The following CRIM1 variants were observed in gnomAD, a reference collection of about 807,000 sequenced individuals.
CRIM1 encodes cysteine rich transmembrane BMP regulator 1.
A neutral mutation model predicts 116.4 loss-of-function variants in CRIM1; 32 were observed. The observed-to-expected ratio is 0.27, with a 90% CI of 0.21 to 0.37. CRIM1 has a LOEUF of 0.37. CRIM1 is among the 10% of genes least tolerant of loss of function. The pLI is 1.00. For synonymous variants in CRIM1, 590 were observed against 509.2 expected (o/e 1.16, Z -2.13); for missense variants, 1,331 against 1,354.8 (o/e 0.98, Z 0.28).
In CRIM1 at chr2:36,509,616, C is replaced by G. The variant is rs541210692; in HGVS notation, c.1502-367C>G. On this transcript the variant is annotated intron_variant, in intron 8 of 16. Coordinates refer to ENST00000280527, the MANE Select transcript of CRIM1 (RefSeq NM_016441.3). ...AAATTGGACTGTAAATTTCTAATTC[C>G]CACATAATGTAAATGGTCATCAGTG... Among the ~76,000 whole-genome samples the G allele has an allele frequency of 7.2e-5, 11 of 152,098 alleles. No homozygotes were observed. The South Asian group carries it at 2.3e-3, about 32-fold the overall frequency.
intron 12 of CRIM1, among the ~76,000 whole-genome samples, chr2:36,520,332 G>A (rs746672665): frequency 1.3e-5 from 2 of 152,204 alleles, no homozygotes; most frequent in Non-Finnish European, 2.9e-5. Flanking sequence ...GCTTGCATGA[G>A]CTAAGTTAAC....
intron 1 of CRIM1, among the ~76,000 whole-genome samples, chr2:36,366,015 C>T (rs767530923): frequency 3.0e-4 from 45 of 152,302 alleles, no homozygotes; most frequent in African/African-American, 1.0e-3. Context: ...CGTGAGCCAC[C>T]GCGCCCAGCC....
intron 2 of CRIM1, among the ~76,000 whole-genome samples, chr2:36,404,937 T>A (rs1672675528): frequency 6.6e-6 from 1 of 152,218 alleles, no homozygotes; most frequent in Non-Finnish European, 1.5e-5. Flanking sequence ...ACATTTCACT[T>A]ATTTCACTTC....
intron 2 of CRIM1, among the ~76,000 whole-genome samples, chr2:36,404,767 G>A (rs1672663980): frequency 1.3e-5 from 2 of 152,142 alleles, no homozygotes; most frequent in Non-Finnish European, 1.5e-5. Flanking sequence ...TTTACACAAA[G>A]ACTTCTGTTT....
rs370588277 is a variant in CRIM1, at chr2:36,544,397, C to A, written c.2645C>A (p.Thr882Asn). Residue 882 changes from threonine (T) to asparagine (N), a missense_variant, in exon 15 of 17, where the codon ACC (threonine) becomes AAC (asparagine). By Grantham distance (65) the Thr-to-Asn change is moderately conservative. This residue lies in a region of CRIM1 where 283 missense variants were observed against 242.8 expected (regional missense o/e 1.17). Transcript: ENST00000280527. ...MCPEMYVPEP[T>N]NIPIEKTNHR... ...TTAGAAATGTATGTCCCAGAACCAA[C>A]CAATATACCCATTGAGAAGACAAAC... 4.3e-6 allele frequency: 6 copies of A among 1,397,314 alleles called. No homozygotes were observed. The highest frequency in any genetic ancestry group is 5.6e-6 in the Non-Finnish European group (6 of 1,068,424). 86.6% of individuals were successfully genotyped at this position (1,397,314 alleles called of 1,614,324 possible). A position where few individuals can be genotyped will look rare whatever the true frequency, so the allele number is the denominator to read the frequency against.
At chr2:36,415,966 G>C (rs987661293) in intron 2 of CRIM1, among the ~76,000 whole-genome samples, 2 of 152,200 alleles carry the variant, frequency 1.3e-5, no homozygotes, top group Admixed American at 6.5e-5. Context: ...CCAGCACTTT[G>C]GGGGGCCAAG....
chr2:36,396,856 T>C lies in CRIM1; in HGVS notation c.505+69T>C, dbSNP rs985292672. 6.1e-6 allele frequency: 8 copies of C among 1,320,728 alleles called. No homozygotes were observed. In the Admixed American group the frequency reaches 1.6e-4, roughly 27 times the overall value. The allele number at this position is 1,320,728 out of a possible 1,614,324, so 81.8% of individuals were successfully genotyped here. On this transcript the variant is annotated intron_variant, in intron 2 of 16. Coordinates refer to ENST00000280527, the MANE Select transcript of CRIM1 (RefSeq NM_016441.3). ...ATTATGTAACCCTGAGTAGTAATAG[T>C]ATTTGAGCTTGAAAAGGCAAAGACA...
intron 2 of CRIM1, among the ~76,000 whole-genome samples, chr2:36,413,673 A>G (rs527527922): frequency 6.6e-6 from 1 of 152,294 alleles, no homozygotes; most frequent in Admixed American, 6.5e-5. Flanking sequence ...GCAGTCAGCG[A>G]TCTCTTATTT....
At chr2:36,457,430 G>A (rs1402790967) in intron 4 of CRIM1, among the ~76,000 whole-genome samples, 2 of 152,196 alleles carry the variant, frequency 1.3e-5, no homozygotes, top group African/African-American at 4.8e-5. Context: ...TACAGTTTCT[G>A]CTCACTGTAC....
At chr2:36,420,396 C>T (rs1053659114) in intron 2 of CRIM1, among the ~76,000 whole-genome samples, 1 of 152,044 alleles carries the variant, frequency 6.6e-6, no homozygotes, top group Non-Finnish European at 1.5e-5. Context: ...GAGGTAGAGC[C>T]GAGGTTGGAA....
chr2:36,366,561 G>C (rs1258303891), intron 1 of CRIM1, among the ~76,000 whole-genome samples: 1 of 152,044 alleles, frequency 6.6e-6, no homozygotes, highest in South Asian at 2.1e-4. Flanking sequence ...AGAGGGAGTA[G>C]ATGGTGGTCC....
chr2:36,474,569 C>T (rs1351645520), intron 5 of CRIM1, among the ~76,000 whole-genome samples: 1 of 152,048 alleles, frequency 6.6e-6, no homozygotes, highest in Non-Finnish European at 1.5e-5. Context: ...AGACTTTCAA[C>T]CTCAGGCCTG....
In CRIM1 at chr2:36,549,764, T is replaced by G. The variant is rs770132260; in HGVS notation, c.*1063T>G. On this transcript the variant is annotated 3_prime_UTR_variant, in exon 17 of 17. Transcript: ENST00000280527. Reference sequence around the variant, plus strand: ...AAAAAAAATGATGCCTCTTTAAACTTTAGCAATTATAGGAGTATTTATGTA... The same window carrying G: ...AAAAAAAATGATGCCTCTTTAAACTGTAGCAATTATAGGAGTATTTATGTA... The G allele has an allele frequency of 6.6e-6, 1 of 152,332 alleles. No homozygotes were observed. The highest frequency in any genetic ancestry group is 1.5e-5 in the Non-Finnish European group (1 of 67,968). 9.4% of individuals were successfully genotyped at this position (152,332 alleles called of 1,614,324 possible).
intron 3 of CRIM1, among the ~76,000 whole-genome samples, chr2:36,442,240 T>C (rs1675897216): frequency 6.8e-6 from 1 of 147,906 alleles, no homozygotes; most frequent in Non-Finnish European, 1.5e-5. Context: ...TTTCTTTTTC[T>C]TTCTTTCTTT....
intron 2 of CRIM1, among the ~76,000 whole-genome samples, chr2:36,428,808 A>C (rs1408814514): frequency 6.6e-6 from 1 of 152,212 alleles, no homozygotes; most frequent in African/African-American, 2.4e-5. Flanking sequence ...TCATTGTCTT[A>C]GGAAACTTGT....
intron 1 of CRIM1, among the ~76,000 whole-genome samples, chr2:36,372,276 G>C (rs375591783): frequency 6.1e-4 from 93 of 152,236 alleles, no homozygotes; most frequent in Non-Finnish European, 1.2e-3. Context: ...ATTCCGTTTG[G>C]ATTTACTCCA....
intron 2 of CRIM1, 140 bp from the exon 3 acceptor site, chr2:36,441,118 A>T: frequency 8.8e-7 from 1 of 1,141,572 alleles, no homozygotes; most frequent in South Asian, 1.6e-5. Flanking sequence ...TAGTTAAACT[A>T]AGTTTGAAGG....
At chr2:36,543,899 G>A (rs1174255157) in intron 14 of CRIM1, among the ~76,000 whole-genome samples, 1 of 152,088 alleles carries the variant, frequency 6.6e-6, no homozygotes, top group Admixed American at 6.5e-5. Flanking sequence ...TCCCATTTAG[G>A]GGAAGAGAAA....
chr2:36,509,721 G>C (rs935821599), intron 8 of CRIM1, among the ~76,000 whole-genome samples: 1 of 152,174 alleles, frequency 6.6e-6, no homozygotes, highest in Admixed American at 6.5e-5. Context: ...TGTTCACTCA[G>C]AGCCTACCAG....
Sources: allele counts gnomAD v4.1 joint callset (sites outside exome capture counted in the v4.1 genomes callset), GRCh38; gene constraint gnomAD v4.1.1; regional missense constraint gnomAD v4.1.1; transcripts MANE v1.5; gene names NCBI Gene and HGNC (gene_info 2026-07-23, HGNC 2026-07-21).